The following CNTN1 variants were observed in gnomAD, a reference collection of about 807,000 sequenced individuals.
The protein encoded by CNTN1 is contactin-1.
CNTN1 carries 38 observed loss-of-function variants against 126.4 expected under a neutral mutation model. The observed-to-expected ratio is 0.30, with a 90% confidence interval of 0.23 to 0.39. CNTN1 has a LOEUF of 0.39. Among genes scored for constraint, CNTN1 ranks in the 10% least tolerant of loss-of-function variants. CNTN1 has a pLI of 1.00. For synonymous variants in CNTN1, 413 were observed against 422.6 expected (o/e 0.98, Z 0.28); for missense variants, 1,009 against 1,248.4 (o/e 0.81, Z 2.89).
At chr12:40,739,848 A>T (rs1009232101) in intron 1 of CNTN1, among the ~76,000 whole-genome samples, 1 of 152,102 alleles carries the variant, frequency 6.6e-6, no homozygotes. Context: ...TGAAATAAAC[A>T]TTAGTAAATG....
chr12:40,899,181 A>T (rs1278799896), intron 1 of CNTN1, among the ~76,000 whole-genome samples: 2 of 152,232 alleles, frequency 1.3e-5, no homozygotes, highest in Non-Finnish European at 2.9e-5. Flanking sequence ...TCCTGCTGAC[A>T]TAGGATTTTT....
At chr12:40,886,013 A>G (rs1427712700) in intron 1 of CNTN1, among the ~76,000 whole-genome samples, 1 of 152,084 alleles carries the variant, frequency 6.6e-6, no homozygotes, top group Non-Finnish European at 1.5e-5. Context: ...GTTAGTACAA[A>G]AGAAAACTAT....
intron 1 of CNTN1, among the ~76,000 whole-genome samples, chr12:40,870,179 T>A (rs559366680): frequency 6.6e-6 from 1 of 151,456 alleles, no homozygotes; most frequent in South Asian, 2.1e-4. Flanking sequence ...TTTTTTTTTT[T>A]TCTAAATTGC....
intron 14 of CNTN1, among the ~76,000 whole-genome samples, chr12:40,949,282 T>C (rs1430557247): frequency 6.8e-6 from 1 of 147,568 alleles, no homozygotes; most frequent in Non-Finnish European, 1.5e-5. Flanking sequence ...AAGAAAGGTT[T>C]CTTTTTTTAT....
intron 1 of CNTN1, among the ~76,000 whole-genome samples, chr12:40,739,302 A>T (rs562169266): frequency 1.3e-5 from 2 of 152,214 alleles, no homozygotes; most frequent in South Asian, 4.1e-4. Flanking sequence ...CATTTAGTTT[A>T]AAAAGCTAGT....
chr12:41,056,988 TA>T (rs1183622847), intron 23 of CNTN1, among the ~76,000 whole-genome samples: 3 of 96,668 alleles, frequency 3.1e-5, no homozygotes, highest in African/African-American at 1.6e-4. Flanking sequence ...TAGATATTTA[TA>T]AATATTATAA....
chr12:41,002,421 C>T (rs1007016202), intron 17 of CNTN1, among the ~76,000 whole-genome samples: 1 of 152,028 alleles, frequency 6.6e-6, no homozygotes, highest in African/African-American at 2.4e-5. Flanking sequence ...TTGCATTCCT[C>T]ATTTGGTTCT....
chr12:40,712,085 C>T lies in CNTN1; in HGVS notation c.-77+19493C>T, dbSNP rs950811715. Among the ~76,000 whole-genome samples the T allele has an allele frequency of 8.5e-5, 13 of 152,250 alleles. No homozygotes were observed. The East Asian group carries it at 1.9e-3, about 23-fold the overall frequency. On this transcript the variant is annotated intron_variant, in intron 1 of 23. Coordinates refer to ENST00000551295, the MANE Select transcript of CNTN1 (RefSeq NM_001843.4). ...TCTTTGCCTTGAATTCACTCTATAC[C>T]TCTGAAATCTGCTTTTTATTATTTT... is the stretch of plus-strand genomic sequence containing the variant.
At chr12:40,707,373 C>T (rs557946388) in intron 1 of CNTN1, among the ~76,000 whole-genome samples, 2 of 151,660 alleles carry the variant, frequency 1.3e-5, no homozygotes, top group South Asian at 2.1e-4. Context: ...CTCAGCCTCC[C>T]GAGTAGCTGG....
chr12:40,935,093 A>T (rs1240398442), intron 9 of CNTN1, among the ~76,000 whole-genome samples: 1 of 152,006 alleles, frequency 6.6e-6, no homozygotes, highest in Non-Finnish European at 1.5e-5. Flanking sequence ...ACTCGTGATC[A>T]TGGCTTTAGA....
intron 1 of CNTN1, among the ~76,000 whole-genome samples, chr12:40,767,612 TTTTG>T (rs59423116): frequency 0.58 from 83,724 of 144,476 alleles, 24,547 homozygotes; most frequent in East Asian, 0.67. Flanking sequence ...CTGGCCCTTT[TTTTG>T]TTTGTTTGTT....
intron 7 of CNTN1, among the ~76,000 whole-genome samples, chr12:40,932,956 T>C (rs1945942786): frequency 6.6e-6 from 1 of 151,256 alleles, no homozygotes; most frequent in Non-Finnish European, 1.5e-5. Flanking sequence ...GTTTGAAGAG[T>C]GCTGTGTTGT....
At chr12:40,846,861 T>A (rs1315180111) in intron 1 of CNTN1, among the ~76,000 whole-genome samples, 1 of 151,738 alleles carries the variant, frequency 6.6e-6, no homozygotes, top group Non-Finnish European at 1.5e-5. Flanking sequence ...CCAGTTATTT[T>A]TTTTTATTAT....
intron 1 of CNTN1, among the ~76,000 whole-genome samples, chr12:40,816,462 C>T (rs114005535): frequency 0.023 from 3,490 of 152,032 alleles, 129 homozygotes; most frequent in African/African-American, 0.078. Flanking sequence ...TATTCTCTGA[C>T]GGTAGTTTGT....
chr12:40,736,931 GA>G (rs1937711983), intron 1 of CNTN1, among the ~76,000 whole-genome samples: 1 of 151,916 alleles, frequency 6.6e-6, no homozygotes, highest in Non-Finnish European at 1.5e-5. Flanking sequence ...GACATTAAAA[GA>G]ATTGCATAAG....
At chr12:40,730,429 G>A (rs1942464804) in intron 1 of CNTN1, among the ~76,000 whole-genome samples, 1 of 152,212 alleles carries the variant, frequency 6.6e-6, no homozygotes, top group Non-Finnish European at 1.5e-5. Context: ...AGTGAGTCAA[G>A]TGTGCTGTTA....
chr12:40,902,870 C>T (rs1421507251), intron 1 of CNTN1, among the ~76,000 whole-genome samples: 11 of 151,956 alleles, frequency 7.2e-5, no homozygotes, highest in Admixed American at 7.2e-4. Context: ...CAGAAAAATG[C>T]ATATCTAGAT....
chr12:40,830,326 TATATATGAGGCACC>T (rs1941766002), intron 1 of CNTN1, among the ~76,000 whole-genome samples: 1 of 152,056 alleles, frequency 6.6e-6, no homozygotes, highest in Admixed American at 6.6e-5. Context: ...TCTTGTTTGG[TATATATGAGGCACC>T]AAAATGAGTT....
chr12:40,992,018 G>A (rs185723938), intron 16 of CNTN1, among the ~76,000 whole-genome samples: 1 of 152,270 alleles, frequency 6.6e-6, no homozygotes, highest in African/African-American at 2.4e-5. Context: ...GAGTGAAAGA[G>A]GAGATAAAGA....
Sources: gnomAD v4.1 joint callset for allele counts (sites outside exome capture counted in the v4.1 genomes callset) on GRCh38, gnomAD v4.1.1 for gene constraint, MANE v1.5 for transcripts, NCBI Gene and HGNC (gene_info 2026-07-23, HGNC 2026-07-21) for gene names.